SLC7A10: variants seen among roughly 807,000 people sequenced by gnomAD.
SLC7A10 encodes the protein solute carrier family 7 member 10.
A neutral mutation model predicts 52.7 loss-of-function variants in SLC7A10; 30 were observed. That is an observed-to-expected ratio of 0.57 (90% CI 0.43 to 0.77). The LOEUF (loss-of-function observed/expected upper bound fraction) is 0.77. Ranked by LOEUF, SLC7A10 falls within the 30% of genes least tolerant of loss-of-function variation. The pLI, the probability that SLC7A10 is intolerant of heterozygous loss-of-function variation, is 0.00. For synonymous variants in SLC7A10, 318 were observed against 314.9 expected, an observed-to-expected ratio of 1.01 and a Z score of -0.10; for missense variants, 581 against 698.5, an observed-to-expected ratio of 0.83 and a Z score of 1.90.
chr19:33,210,725 T>G lies in SLC7A10; in HGVS notation c.1113+77A>C. On this transcript the variant is annotated intron_variant, in intron 8 of 10. Coordinates refer to ENST00000253188, the MANE Select transcript of SLC7A10 (RefSeq NM_019849.3). The surrounding 1 kb of genome is among the most constrained non-coding windows in gnomAD (Gnocchi z 5.6). ...CCCCCACCCTGGAATGGCTCACCCC[T>G]GCCATTACCCGGAAGGTCCTGCATT... The G allele has an allele frequency of 6.8e-7, 1 of 1,469,168 alleles. No homozygotes were observed. The highest frequency in any genetic ancestry group is 1.4e-5 in the African/African-American group (1 of 70,140). The allele number at this position is 1,469,168 out of a possible 1,614,324, so 91.0% of individuals were successfully genotyped here. A position where few individuals can be genotyped will look rare whatever the true frequency, so the allele number is the denominator to read the frequency against.
chr19:33,211,353 A>AT (rs1974547846), intron 6 of SLC7A10, 25 bp from the exon 7 acceptor site: 3 of 1,613,650 alleles, frequency 1.9e-6, no homozygotes, highest in Non-Finnish European at 1.7e-6. Flanking sequence ...TAGAGAGGCC[A>AT]TGTGTAAGGC....
At chr19:33,214,654 T>G (rs1974630088) in intron 2 of SLC7A10, among the ~76,000 whole-genome samples, 4 of 152,220 alleles carry the variant, frequency 2.6e-5, no homozygotes, top group African/African-American at 9.6e-5. Context: ...CTGGGATGCT[T>G]TCCTCACTGG....
chr19:33,223,583 G>A (rs746375056), intron 1 of SLC7A10, among the ~76,000 whole-genome samples: 1 of 151,716 alleles, frequency 6.6e-6, no homozygotes, highest in Non-Finnish European at 1.5e-5. Flanking sequence ...ATCACCTTCT[G>A]GTTGAGGTTG....
intron 1 of SLC7A10, among the ~76,000 whole-genome samples, chr19:33,225,321 G>A (rs1974898152): frequency 6.6e-6 from 1 of 152,232 alleles, no homozygotes; most frequent in South Asian, 2.1e-4. Flanking sequence ...AGCGGTGGAG[G>A]GGACCCAAAA....
At chr19:33,213,603 A>G (rs1287966903) in intron 2 of SLC7A10, among the ~76,000 whole-genome samples, 1 of 152,120 alleles carries the variant, frequency 6.6e-6, no homozygotes, top group Non-Finnish European at 1.5e-5. Context: ...ATGCTTTTCT[A>G]ATAACAACTA....
chr19:33,208,896 G>A lies in SLC7A10; in HGVS notation c.1567C>T (p.Gln523Ter), dbSNP rs781577248. 1 of 1,613,770 alleles carries A rather than the reference G, an allele frequency of 6.2e-7. No homozygotes were observed. The highest frequency in any genetic ancestry group is 2.2e-5 in the East Asian group (1 of 44,864). ...LPATDKPSKP[Q>*] ...CTTCAGTCTCTACAAAAATCTCATTGTGGCTTCGAGGGCTTGTCTGTGGCA... is the reference window on the plus strand; with the variant it reads ...CTTCAGTCTCTACAAAAATCTCATTATGGCTTCGAGGGCTTGTCTGTGGCA... Residue 523 changes from glutamine (Q) to a stop codon, truncating the protein, a stop_gained, in exon 11 of 11, where the codon CAA (glutamine) becomes TAA (stop). Transcript: ENST00000253188. LOFTEE classifies it high-confidence loss of function. This position sits in a 1 kb window ranked among gnomAD's most constrained non-coding sequence, Gnocchi z 4.7.
chr19:33,211,713 CA>C, intron 5 of SLC7A10, 176 bp from the exon 6 acceptor site: 1 of 1,229,888 alleles, frequency 8.1e-7, no homozygotes, highest in Admixed American at 2.3e-5. Context: ...TGCCCTGCCC[CA>C]CCCCCACCTG....
chr19:33,208,804 A>C lies in SLC7A10; in HGVS notation c.*87T>G, dbSNP rs957419418. On this transcript the variant is annotated 3_prime_UTR_variant, in exon 11 of 11. Transcript: ENST00000253188. The surrounding 1 kb of genome is among the most constrained non-coding windows in gnomAD (Gnocchi z 4.7). ...TATCTTTTTTCTTTTTTTTCCAGAA[A>C]AAAACAAAACAAAACTTTTTTGCCA... The C allele has an allele frequency of 6.3e-6, 10 of 1,585,504 alleles. No homozygotes were observed. Among genetic ancestry groups the C allele is most frequent in the Non-Finnish European group, 8.6e-6 (10 of 1,160,954 alleles).
At position 33,216,042 on chromosome 19, in the gene SLC7A10, A is replaced by G. The variant is rs1974675548; in HGVS notation, c.152-69T>C. ...TCGCAGCCCGGCCTTCTGTGTGGGG[A>G]TCTGCCTGCTGCCAGGAGGAAGACA... On this transcript the variant is annotated intron_variant, in intron 1 of 10. Transcript: ENST00000253188. The G allele has an allele frequency of 2.2e-6, 3 of 1,380,548 alleles. No individual in the cohort carries two copies. In the East Asian group the frequency reaches 7.5e-5, roughly 34 times the overall value. 85.5% of individuals were successfully genotyped at this position (1,380,548 alleles called of 1,614,324 possible). A position where few individuals can be genotyped will look rare whatever the true frequency, so the allele number is the denominator to read the frequency against.
chr19:33,218,835 AG>A (rs989259378), intron 1 of SLC7A10, among the ~76,000 whole-genome samples: 1 of 150,800 alleles, frequency 6.6e-6, no homozygotes, highest in African/African-American at 2.4e-5. Context: ...TGGAGCTGGA[AG>A]GGGGCTGCCC....
Position 33,208,772 on chromosome 19 carries a change from A to G in SLC7A10, c.*119T>C, listed in dbSNP as rs1281352951. On this transcript the variant is annotated 3_prime_UTR_variant, in exon 11 of 11. Transcript: ENST00000253188. The surrounding 1 kb of genome is among the most constrained non-coding windows in gnomAD (Gnocchi z 4.7). ...TAGGGCTTCCTTAAACAGGCTTCTG[A>G]GAGTCGTATCTTTTTTCTTTTTTTT... The G allele has an allele frequency of 7.3e-7, 1 of 1,372,922 alleles. No individual in the cohort carries two copies. The highest frequency in any genetic ancestry group is 1.0e-6 in the Non-Finnish European group (1 of 984,550). 85.0% of individuals were successfully genotyped at this position (1,372,922 alleles called of 1,614,324 possible).
chr19:33,215,258 ACT>A (rs1193747969), intron 2 of SLC7A10, among the ~76,000 whole-genome samples: 5 of 122,754 alleles, frequency 4.1e-5, no homozygotes, highest in African/African-American at 1.6e-4. Flanking sequence ...ACAGAGCGAG[ACT>A]CTGTCTCAAA....
At position 33,209,300 on chromosome 19, in the gene SLC7A10, C is replaced by T. The variant is rs1287548300; in HGVS notation, c.1441+8G>A. 2.4e-5 allele frequency: 39 copies of T among 1,613,664 alleles called. No homozygotes were observed. Among genetic ancestry groups the T allele is most frequent in the East Asian group, 4.5e-5 (2 of 44,896 alleles). The stretch of plus-strand genomic sequence containing the variant: ...CTGTGCTGGGTGACCTGCAGCTGCC[C>T]GGCTCACCTGTGAGTCTGTGCACAC... On this transcript the variant is annotated splice_region_variant and intron_variant, in intron 10 of 10. Transcript: ENST00000253188.
At chr19:33,216,106 G>T in intron 1 of SLC7A10, 133 bp from the exon 2 acceptor site, 1 of 786,822 alleles carries the variant, frequency 1.3e-6, no homozygotes, top group Non-Finnish European at 2.0e-6. Flanking sequence ...GGCAGGAGGT[G>T]GGCTGGAGGT....
chr19:33,218,942 T>G (rs570482514), intron 1 of SLC7A10, among the ~76,000 whole-genome samples: 2 of 151,610 alleles, frequency 1.3e-5, no homozygotes, highest in South Asian at 2.1e-4. Context: ...GGAGCAGCAA[T>G]GAAGAAGCCC....
intron 2 of SLC7A10, among the ~76,000 whole-genome samples, chr19:33,213,796 G>T (rs1163628897): frequency 6.6e-6 from 1 of 152,176 alleles, no homozygotes. Context: ...GCTGGGGGTG[G>T]AGAGTGATGG....
rs551064586 is a variant in SLC7A10, at chr19:33,210,815, G to A, written c.1100C>T (p.Ala367Val). 35 of 1,613,580 alleles carry A rather than the reference G, an allele frequency of 2.2e-5. 1 individual carries two copies. In the East Asian group the frequency reaches 7.6e-4, roughly 35 times the overall value. Reference protein sequence around the residue: ...IHVRHCTPIPALLVCCGATAV... With the variant: ...IHVRHCTPIPVLLVCCGATAV... ...CCCCCAACTTACACAGACGAGGAGG[G>A]CGGGGATGGGGGTGCAGTGTCTGAC... is the stretch of plus-strand genomic sequence containing the variant. The change falls in exon 8 of 11, where the codon GCC (alanine) becomes GTC (valine). Residue 367 changes from alanine to valine, a missense_variant. Transcript: ENST00000253188. The surrounding 1 kb of genome is among the most constrained non-coding windows in gnomAD (Gnocchi z 5.6).
intron 1 of SLC7A10, among the ~76,000 whole-genome samples, chr19:33,223,317 A>G (rs1440035033): frequency 6.6e-6 from 1 of 151,850 alleles, no homozygotes; most frequent in Admixed American, 6.6e-5. Context: ...CAGAAAAAAA[A>G]AAAAAAAAAA....
intron 1 of SLC7A10, among the ~76,000 whole-genome samples, chr19:33,225,170 C>T (rs1974895079): frequency 6.6e-6 from 1 of 152,230 alleles, no homozygotes; most frequent in Non-Finnish European, 1.5e-5. Context: ...CTCAGCCTGC[C>T]GCAGCCTGAC....
Sources: gnomAD v4.1 joint callset for allele counts (sites outside exome capture counted in the v4.1 genomes callset) on GRCh38, gnomAD v4.1.1 for gene constraint, Gnocchi (gnomAD v3.1) non-coding constraint, MANE v1.5 for transcripts, NCBI Gene and HGNC (gene_info 2026-07-23, HGNC 2026-07-21) for gene names.